SYT14: variants seen among roughly 807,000 people sequenced by gnomAD.
The protein encoded by SYT14 is synaptotagmin 14, also known as synaptotagmin-14.
SYT14 carries 32 observed loss-of-function variants against 74.2 expected under a neutral mutation model. The observed-to-expected ratio is 0.43, with a 90% confidence interval of 0.33 to 0.58. The LOEUF (loss-of-function observed/expected upper bound fraction) is 0.58, where lower values mean the gene tolerates loss of function less well. Among genes scored for constraint, SYT14 ranks in the 20% least tolerant of loss-of-function variants. The pLI is 0.05. For synonymous variants in SYT14, 298 were observed against 337.7 expected, an observed-to-expected ratio of 0.88 and a Z score of 1.29; for missense variants, 791 against 981.8, an observed-to-expected ratio of 0.81 and a Z score of 2.60.
At chr1:210,098,209 T>G (rs926753526) in intron 6 of SYT14, among the ~76,000 whole-genome samples, 7 of 151,920 alleles carry the variant, frequency 4.6e-5, no homozygotes, top group African/African-American at 1.7e-4. Context: ...TCATGTCTTT[T>G]TGGTTCTCTC....
intron 2 of SYT14, among the ~76,000 whole-genome samples, chr1:210,007,666 G>GC (rs2080013795): frequency 6.6e-6 from 1 of 151,978 alleles, no homozygotes; most frequent in African/African-American, 2.4e-5. Flanking sequence ...TATATAGTGA[G>GC]CTATGTTACT....
chr1:210,000,103 A>G (rs931068650), intron 2 of SYT14, among the ~76,000 whole-genome samples: 1 of 152,200 alleles, frequency 6.6e-6, no homozygotes, highest in African/African-American at 2.4e-5. Context: ...GCAAATGTAT[A>G]CAAACACTTT....
chr1:209,965,791 G>A (rs1464741274), intron 2 of SYT14: 5 of 393,410 alleles, frequency 1.3e-5, no homozygotes, highest in Non-Finnish European at 1.5e-5. Flanking sequence ...CTCATTTTTT[G>A]AAAAAAACTA....
chr1:209,957,248 G>A (rs765734883), intron 2 of SYT14, among the ~76,000 whole-genome samples: 80 of 151,882 alleles, frequency 5.3e-4, no homozygotes, highest in African/African-American at 1.4e-3. Flanking sequence ...TCTCTCTCTC[G>A]TAGCTTTTCT....
At chr1:210,028,624 TA>T (rs2080464585) in intron 5 of SYT14, among the ~76,000 whole-genome samples, 1 of 152,228 alleles carries the variant, frequency 6.6e-6, no homozygotes, top group South Asian at 2.1e-4. Context: ...TAAAGCTGAA[TA>T]ATACTCTGTT....
chr1:209,966,569 A>G (rs909809830), intron 2 of SYT14, among the ~76,000 whole-genome samples: 2 of 152,218 alleles, frequency 1.3e-5, no homozygotes, highest in Admixed American at 1.3e-4. Flanking sequence ...GATCAGATAT[A>G]TCCCTAAGCA....
At chr1:210,049,951 G>C (rs925618800) in intron 5 of SYT14, among the ~76,000 whole-genome samples, 1 of 152,146 alleles carries the variant, frequency 6.6e-6, no homozygotes, top group African/African-American at 2.4e-5. Context: ...AGGGGCTGCG[G>C]TGAAGACCTC....
intron 7 of SYT14, among the ~76,000 whole-genome samples, chr1:210,125,624 A>C (rs1299202860): frequency 6.6e-6 from 1 of 152,110 alleles, no homozygotes; most frequent in East Asian, 1.9e-4. Context: ...AAACCTTGCT[A>C]CTCCAGCTCT....
intron 2 of SYT14, among the ~76,000 whole-genome samples, chr1:209,978,539 T>G (rs923117647): frequency 6.6e-6 from 1 of 152,108 alleles, no homozygotes; most frequent in Non-Finnish European, 1.5e-5. Flanking sequence ...GATCAGCAAA[T>G]GTTGCTGCCT....
At chr1:210,169,610 G>C (rs995317063) in exon 10 of SYT14, 3 of 151,976 alleles carry the variant, frequency 2.0e-5, no homozygotes. Flanking sequence ...TTTTTGTGGT[G>C]AATATAATAT....
intron 2 of SYT14, chr1:209,966,059 A>G: frequency 5.1e-6 from 2 of 394,536 alleles, no homozygotes; most frequent in Non-Finnish European, 1.0e-5. Flanking sequence ...TTTAGTAGAG[A>G]CGGGGTTTCA....
chr1:210,085,175 A>T (rs2081697782), intron 5 of SYT14, among the ~76,000 whole-genome samples: 10 of 152,242 alleles, frequency 6.6e-5, no homozygotes, highest in Admixed American at 6.5e-4. Context: ...TGAGATTTTT[A>T]AAATTTTTGC....
At chr1:210,138,237 T>A (rs900943082) in intron 7 of SYT14, among the ~76,000 whole-genome samples, 6 of 152,194 alleles carry the variant, frequency 3.9e-5, no homozygotes, top group Non-Finnish European at 8.8e-5. Context: ...ACATCTTACA[T>A]GGCGACAGGC....
chr1:210,042,677 T>C (rs1450138601), intron 5 of SYT14, among the ~76,000 whole-genome samples: 1 of 152,150 alleles, frequency 6.6e-6, no homozygotes, highest in African/African-American at 2.4e-5. Context: ...TGTAGATGTA[T>C]GGCGTGAAGG....
chr1:209,991,385 A>G lies in SYT14; in HGVS notation c.-485-22248A>G, dbSNP rs140586389. On this transcript the variant is annotated intron_variant, in intron 2 of 9. Transcript: ENST00000637265. The stretch of plus-strand genomic sequence containing the variant: ...AAAATACTAGCCAACTTTGCATCTG[A>G]TAAAGGTCCAATGTCCAGAATCTAC... 1.1e-4 allele frequency among the ~76,000 whole-genome samples: 16 copies of G among 152,356 alleles called. No individual in the cohort carries two copies. In the East Asian group the frequency reaches 3.1e-3, roughly 29 times the overall value.
intron 7 of SYT14, among the ~76,000 whole-genome samples, chr1:210,106,188 A>T (rs879749099): frequency 6.6e-6 from 1 of 152,174 alleles, no homozygotes; most frequent in Non-Finnish European, 1.5e-5. Context: ...TTTGTTAAGG[A>T]GTGCTCTTGG....
At chr1:210,029,843 A>G (rs2080490847) in intron 5 of SYT14, among the ~76,000 whole-genome samples, 1 of 152,156 alleles carries the variant, frequency 6.6e-6, no homozygotes, top group Non-Finnish European at 1.5e-5. Context: ...GGTATTATTG[A>G]CATGTTAACA....
chr1:210,034,341 T>TA (rs780305432), intron 5 of SYT14, among the ~76,000 whole-genome samples: 3 of 151,834 alleles, frequency 2.0e-5, no homozygotes, highest in Non-Finnish European at 4.4e-5. Flanking sequence ...GTGTAACTGT[T>TA]ACACCCAAGT....
intron 2 of SYT14, among the ~76,000 whole-genome samples, chr1:209,968,425 T>A (rs1366410820): frequency 6.6e-6 from 1 of 152,072 alleles, no homozygotes; most frequent in African/African-American, 2.4e-5. Context: ...TGGAGTAGTT[T>A]CATATGGTAG....
Sources: allele counts gnomAD v4.1 joint callset (sites outside exome capture counted in the v4.1 genomes callset), GRCh38; gene constraint gnomAD v4.1.1; transcripts MANE v1.5; gene names NCBI Gene and HGNC (gene_info 2026-07-23, HGNC 2026-07-21).